GP9: variants seen among roughly 807,000 people sequenced by gnomAD.
GP9 encodes the protein glycoprotein IX platelet, also known as platelet glycoprotein IX.
For synonymous variants in GP9, 116 were observed against 116.7 expected (o/e 0.99, Z 0.04); for missense variants, 228 against 241.8 (o/e 0.94, Z 0.38).
At chr3:129,061,663 T>G in intron 2 of GP9, 44 bp downstream of exon 2, 1 of 1,250,674 alleles carries the variant, frequency 8.0e-7, no homozygotes, top group East Asian at 2.5e-5. Context: ...ACATCCCCAG[T>G]GCTTGCCGTC....
chr3:129,061,140 G>A lies in GP9; in HGVS notation c.-139+290G>A, dbSNP rs1946570888. On this transcript the variant is annotated intron_variant, in intron 1 of 2. Coordinates refer to ENST00000307395, the MANE Select transcript of GP9 (RefSeq NM_000174.5). Reference sequence around the variant, plus strand: ...CCTCTGACACCACACCGGTGGCCCTGGGCACATTGCTTTCCCTCTCTGGGC... The same window carrying A: ...CCTCTGACACCACACCGGTGGCCCTAGGCACATTGCTTTCCCTCTCTGGGC... Among the ~76,000 whole-genome samples, 3 of 152,312 alleles carry A rather than the reference G, an allele frequency of 2.0e-5. No homozygotes were observed. In the South Asian group the frequency reaches 6.2e-4, roughly 32 times the overall value.
upstream of GP9, among the ~76,000 whole-genome samples, chr3:129,056,588 G>A (rs1020139868): frequency 1.3e-4 from 20 of 152,144 alleles, no homozygotes; most frequent in African/African-American, 4.6e-4. Flanking sequence ...TGCCTGAGAG[G>A]CTCAACCAAC....
chr3:129,058,331 T>G (rs1028658345), upstream of GP9, among the ~76,000 whole-genome samples: 1 of 152,224 alleles, frequency 6.6e-6, no homozygotes, highest in Non-Finnish European at 1.5e-5. Flanking sequence ...CACATTTATT[T>G]TCTCATTCTT....
chr3:129,059,235 T>G (rs149137889), upstream of GP9, among the ~76,000 whole-genome samples: 38 of 152,364 alleles, frequency 2.5e-4, no homozygotes, highest in East Asian at 5.4e-3. Flanking sequence ...TATGTTGATC[T>G]AGTTTTTTGT....
chr3:129,059,133 T>A (rs1946548691), upstream of GP9, among the ~76,000 whole-genome samples: 1 of 152,266 alleles, frequency 6.6e-6, no homozygotes, highest in African/African-American at 2.4e-5. Context: ...ATTTTTATTT[T>A]CTTCTTCCAG....
At chr3:129,059,824 AC>A (rs1177908329), upstream of GP9, among the ~76,000 whole-genome samples, 7 of 151,522 alleles carry the variant, frequency 4.6e-5, no homozygotes, top group African/African-American at 1.7e-4. Context: ...GAACAAGCAC[AC>A]CCCCACCCCC....
chr3:129,061,971 C>G lies in GP9; in HGVS notation c.232C>G (p.Gln78Glu). The G allele has an allele frequency of 6.2e-7, 1 of 1,613,880 alleles. No individual in the cohort carries two copies. Among genetic ancestry groups the G allele is most frequent in the Non-Finnish European group, 8.5e-7 (1 of 1,179,866 alleles). The change falls in exon 3 of 3, where the codon CAG becomes GAG. Residue 78 changes from glutamine (Q) to glutamate (E), a missense_variant. Transcript: ENST00000307395. ...AGCCTTTGACCACCTGCCCCAGCTG[C>G]AGACCCTCGATGTGACGCAGAACCC... Reference protein sequence around the residue: ...PGAFDHLPQLQTLDVTQNPWH... With the variant: ...PGAFDHLPQLETLDVTQNPWH...
rs1163160443 is a variant in GP9, at chr3:129,061,793, G to C, written c.54G>C (p.Lys18Asn). 6.2e-7 allele frequency: 1 copy of C among 1,613,144 alleles called. No homozygotes were observed. ...FLLWATAEAT[K>N]DCPSPCTCRA... ...TCTGGGCCACAGCAGAGGCCACCAA[G>C]GACTGCCCCAGCCCATGTACCTGCC... is the stretch of plus-strand genomic sequence containing the variant. Residue 18 changes from lysine to asparagine, a missense_variant, in exon 3 of 3, where the codon AAG becomes AAC. Lys to Asn is a moderately conservative substitution (Grantham distance 94, BLOSUM62 0). Transcript: ENST00000307395.
upstream of GP9, among the ~76,000 whole-genome samples, chr3:129,060,391 A>T (rs900811476): frequency 1.3e-5 from 2 of 152,260 alleles, no homozygotes; most frequent in African/African-American, 2.4e-5. Context: ...GTTCTCAGCC[A>T]GTGGGAGCTG....
chr3:129,055,798 C>A (rs895749919), upstream of GP9, among the ~76,000 whole-genome samples: 3 of 152,140 alleles, frequency 2.0e-5, no homozygotes, highest in Admixed American at 2.0e-4. Context: ...GCGCGTGACA[C>A]CACGCCCAGC....
chr3:129,059,509 C>A (rs1407626528), upstream of GP9, among the ~76,000 whole-genome samples: 1 of 152,212 alleles, frequency 6.6e-6, no homozygotes, highest in African/African-American at 2.4e-5. Flanking sequence ...CGGTCAGAGT[C>A]CCCACTGAGC....
upstream of GP9, among the ~76,000 whole-genome samples, chr3:129,057,855 C>T (rs1199624597): frequency 9.0e-5 from 11 of 121,608 alleles, no homozygotes; most frequent in African/African-American, 1.7e-4. Flanking sequence ...TTTTTTGAGA[C>T]GGAGTTTTGC....
chr3:129,056,967 T>G (rs1257068891), upstream of GP9, among the ~76,000 whole-genome samples: 3 of 151,150 alleles, frequency 2.0e-5, no homozygotes, highest in East Asian at 1.9e-4. Context: ...GGAGCAGGAG[T>G]GTAGTGAGAT....
upstream of GP9, among the ~76,000 whole-genome samples, chr3:129,060,437 T>C (rs1366609262): frequency 6.6e-6 from 1 of 152,214 alleles, no homozygotes; most frequent in Non-Finnish European, 1.5e-5. Flanking sequence ...GCAGGACCGG[T>C]CACTGCTCCC....
upstream of GP9, among the ~76,000 whole-genome samples, chr3:129,058,956 A>G (rs1422958219): frequency 6.6e-6 from 1 of 152,214 alleles, no homozygotes; most frequent in Non-Finnish European, 1.5e-5. Context: ...GCAGGGCTGC[A>G]TTCCTCTCTG....
rs144345517 is a variant in GP9, at chr3:129,062,184, T to C, written c.445T>C (p.Leu149=). The change falls in exon 3 of 3, where the codon TTG becomes CTG. Residue 149 remains leucine (L), a synonymous_variant. Transcript: ENST00000307395. ...GGCGTCCTGGGTGCGCCCGGGGGTC[T>C]TGTGGGACGTGGCGCTGGTCGCCGT... is the stretch of plus-strand genomic sequence containing the variant. ...LQASWVRPGV[L]WDVALVAVAA... 825 of 1,574,386 alleles carry C rather than the reference T, an allele frequency of 5.2e-4. 12 individuals carry two copies. In the East Asian group the frequency reaches 0.017, roughly 33 times the overall value.
At chr3:129,056,706 G>A (rs570132688), upstream of GP9, among the ~76,000 whole-genome samples, 7 of 152,306 alleles carry the variant, frequency 4.6e-5, no homozygotes, top group South Asian at 2.1e-4. Context: ...TGAGTGCGTC[G>A]AGGAGGGCTT....
In GP9 at chr3:129,062,310, G is replaced by T. The variant is rs1268528414; in HGVS notation, c.*37G>T. 6.2e-6 allele frequency: 9 copies of T among 1,444,610 alleles called. No homozygotes were observed. The highest frequency in any genetic ancestry group is 1.4e-5 in the African/African-American group (1 of 70,372). 89.5% of individuals were successfully genotyped at this position (1,444,610 alleles called of 1,614,324 possible). On this transcript the variant is annotated 3_prime_UTR_variant, in exon 3 of 3. Coordinates refer to ENST00000307395, the MANE Select transcript of GP9 (RefSeq NM_000174.5). ...AGAACCCCTGGCTCCAGGCCAGGGG[G>T]CCAGTCCCTGAGGCAGGTCCCCAGA...
Position 129,061,963 on chromosome 3 carries a change from C to A in GP9, c.224C>A (p.Pro75His). The A allele has an allele frequency of 1.9e-6, 3 of 1,613,878 alleles. No homozygotes were observed. The highest frequency in any genetic ancestry group is 2.5e-6 in the Non-Finnish European group (3 of 1,179,878). Residue 75 changes from proline (P) to histidine (H), a missense_variant, in exon 3 of 3, where the codon CCC becomes CAC. Coordinates refer to ENST00000307395, the MANE Select transcript of GP9 (RefSeq NM_000174.5). ...CCCCCGGGAGCCTTTGACCACCTGC[C>A]CCAGCTGCAGACCCTCGATGTGACG... ...SVPPGAFDHL[P>H]QLQTLDVTQN... is the part of the protein sequence containing the mutation.
Sources: gnomAD v4.1 joint callset for allele counts (sites outside exome capture counted in the v4.1 genomes callset) on GRCh38, gnomAD v4.1.1 for gene constraint, MANE v1.5 for transcripts, NCBI Gene and HGNC (gene_info 2026-07-23, HGNC 2026-07-21) for gene names.